EXOC4: variants seen among roughly 807,000 people sequenced by gnomAD.
The protein encoded by EXOC4 is SEC8-like 1.
EXOC4 carries 71 observed loss-of-function variants against 107.2 expected under a neutral mutation model. That is an observed-to-expected ratio of 0.66 (90% confidence interval 0.55 to 0.81). The LOEUF is 0.81. Among genes scored for constraint, EXOC4 ranks in the 30% least tolerant of loss-of-function variants. The pLI is 0.00. For synonymous variants in EXOC4, 456 were observed against 441.2 expected (o/e 1.03, Z -0.42); for missense variants, 1,108 against 1,189.6 (o/e 0.93, Z 1.01).
At chr7:133,254,826 C>T (rs1301323709) in intron 1 of EXOC4, among the ~76,000 whole-genome samples, 2 of 152,150 alleles carry the variant, frequency 1.3e-5, no homozygotes, top group Non-Finnish European at 2.9e-5. Context: ...AATGTGTCAT[C>T]TCATCTGTGT....
At chr7:133,965,943 C>T (rs964587966) in intron 14 of EXOC4, among the ~76,000 whole-genome samples, 2 of 152,154 alleles carry the variant, frequency 1.3e-5, no homozygotes, top group Non-Finnish European at 2.9e-5. Flanking sequence ...AGTACTGATT[C>T]TTCCTATCCA....
intron 9 of EXOC4, among the ~76,000 whole-genome samples, chr7:133,498,589 A>C (rs1317556455): frequency 6.6e-6 from 1 of 151,884 alleles, no homozygotes; most frequent in African/African-American, 2.4e-5. Context: ...CGTCTCAAAA[A>C]CAAACAAACA....
chr7:133,811,052 T>G (rs1446256932), intron 10 of EXOC4, among the ~76,000 whole-genome samples: 2 of 152,180 alleles, frequency 1.3e-5, no homozygotes, highest in African/African-American at 4.8e-5. Flanking sequence ...ATAAGGGTCC[T>G]CAAAATCCTG....
intron 14 of EXOC4, among the ~76,000 whole-genome samples, chr7:133,941,059 G>A (rs1278803545): frequency 8.0e-5 from 12 of 150,590 alleles, no homozygotes; most frequent in South Asian, 2.1e-4. Context: ...ATGCAGTGGC[G>A]CGATCTCGGC....
chr7:133,581,903 G>A (rs1030037399), intron 9 of EXOC4, among the ~76,000 whole-genome samples: 3 of 152,102 alleles, frequency 2.0e-5, no homozygotes, highest in Non-Finnish European at 4.4e-5. Flanking sequence ...AAGAAGGCAC[G>A]TCTTTTCATG....
At chr7:133,864,931 T>C (rs770226071) in intron 11 of EXOC4, among the ~76,000 whole-genome samples, 29 of 152,188 alleles carry the variant, frequency 1.9e-4, no homozygotes, top group Admixed American at 1.3e-4. Context: ...TAACTAATTT[T>C]ATTTGCCCAA....
chr7:133,645,005 C>T (rs1465048596), intron 10 of EXOC4, among the ~76,000 whole-genome samples: 3 of 151,960 alleles, frequency 2.0e-5, no homozygotes, highest in African/African-American at 4.8e-5. Context: ...TCTCTCTACT[C>T]GATGCCCTTT....
At chr7:133,354,929 A>T (rs1266415733) in intron 5 of EXOC4, among the ~76,000 whole-genome samples, 4 of 152,224 alleles carry the variant, frequency 2.6e-5, no homozygotes, top group African/African-American at 9.6e-5. Flanking sequence ...ACAATCGTGT[A>T]GGTGGGGAGA....
At chr7:133,792,682 A>G (rs1320440183) in intron 10 of EXOC4, among the ~76,000 whole-genome samples, 4 of 152,182 alleles carry the variant, frequency 2.6e-5, no homozygotes, top group African/African-American at 7.2e-5. Flanking sequence ...ATTGTTCACA[A>G]TGAACAAAAA....
chr7:133,578,594 T>C (rs796876786), intron 9 of EXOC4, among the ~76,000 whole-genome samples: 5 of 152,322 alleles, frequency 3.3e-5, no homozygotes, highest in African/African-American at 1.2e-4. Flanking sequence ...TCAAAAAGAC[T>C]TGCCTCACTT....
intron 9 of EXOC4, among the ~76,000 whole-genome samples, chr7:133,509,672 A>G (rs150297968): frequency 4.5e-4 from 69 of 152,284 alleles, no homozygotes; most frequent in African/African-American, 1.6e-3. Flanking sequence ...GCCCTGGACT[A>G]TGTACTGTCA....
rs117417400 is a variant in EXOC4 at position 133,374,609 on chromosome 7, C to G, written c.1008-219C>G. Among the ~76,000 whole-genome samples, 165 of 152,238 alleles carry G rather than the reference C, an allele frequency of 1.1e-3. 2 individuals are homozygous for G. In the East Asian group the frequency reaches 0.03, roughly 28 times the overall value. ...ACAATTGCTTTTAAAATTCTTACAT[C>G]ATTTACATGTTATAGCAGAGGAAAC... On this transcript the variant is annotated intron_variant, in intron 6 of 17. Coordinates refer to ENST00000253861, the MANE Select transcript of EXOC4 (RefSeq NM_021807.4).
At chr7:133,954,894 G>A (rs1800778677) in intron 14 of EXOC4, among the ~76,000 whole-genome samples, 1 of 152,242 alleles carries the variant, frequency 6.6e-6, no homozygotes, top group African/African-American at 2.4e-5. Context: ...CTGTGAGGCT[G>A]CAGCTAAACC....
intron 10 of EXOC4, among the ~76,000 whole-genome samples, chr7:133,777,953 A>G (rs184071695): frequency 1.2e-4 from 19 of 152,314 alleles, no homozygotes; most frequent in Non-Finnish European, 2.5e-4. Context: ...GAATTACATC[A>G]TCTCTGCATC....
At chr7:133,271,559 A>C (rs1339105178) in intron 1 of EXOC4, among the ~76,000 whole-genome samples, 1 of 152,078 alleles carries the variant, frequency 6.6e-6, no homozygotes, top group African/African-American at 2.4e-5. Flanking sequence ...ATGGTCTCTC[A>C]CTCCAGAGCA....
chr7:133,717,891 A>G (rs1795030428), intron 10 of EXOC4, among the ~76,000 whole-genome samples: 1 of 152,158 alleles, frequency 6.6e-6, no homozygotes, highest in African/African-American at 2.4e-5. Flanking sequence ...CTAAAGGATC[A>G]CCTCTCTTAT....
chr7:133,853,073 T>C (rs929149693), intron 11 of EXOC4, among the ~76,000 whole-genome samples: 1 of 152,210 alleles, frequency 6.6e-6, no homozygotes, highest in Non-Finnish European at 1.5e-5. Flanking sequence ...ATCCAGTAAA[T>C]GGCTGTAGCC....
chr7:133,522,356 C>T (rs1044068214), intron 9 of EXOC4, among the ~76,000 whole-genome samples: 4 of 152,172 alleles, frequency 2.6e-5, no homozygotes, highest in South Asian at 2.1e-4. Context: ...CAGCTTCTTC[C>T]GCTTGTAGAT....
At chr7:133,679,560 C>CCATCCATG (rs1314259167) in intron 10 of EXOC4, among the ~76,000 whole-genome samples, 1 of 151,922 alleles carries the variant, frequency 6.6e-6, no homozygotes, top group Non-Finnish European at 1.5e-5. Flanking sequence ...ATCCATCCAT[C>CCATCCATG]CATCCATCCA....
Sources: allele counts gnomAD v4.1 joint callset (sites outside exome capture counted in the v4.1 genomes callset), GRCh38; gene constraint gnomAD v4.1.1; transcripts MANE v1.5; gene names NCBI Gene and HGNC (gene_info 2026-07-23, HGNC 2026-07-21).